SLC49A3: variants seen among roughly 807,000 people sequenced by gnomAD.
SLC49A3 encodes solute carrier family 49 member A3.
Under a neutral mutation model 43.8 loss-of-function variants are expected in SLC49A3, and 50 were observed. The ratio of observed to expected loss-of-function variants is 1.14; its 90% CI spans 0.91 to 1.45. SLC49A3 has a LOEUF of 1.45. SLC49A3 is among the 40% of genes most tolerant of loss of function. SLC49A3 has a pLI of 0.00. For synonymous variants in SLC49A3, 413 were observed against 352.0 expected (o/e 1.17, Z -1.94); for missense variants, 906 against 774.1 (o/e 1.17, Z -2.02).
Position 685,560 on chromosome 4 carries a change from G to C in SLC49A3, c.585+275C>G, listed in dbSNP as rs1740829294. Reference sequence around the variant, plus strand: ...CAAAAATACAAAAAAAAAAAAATTAGCCAAGCATGGTGGCGCACGCCTGTA... The same window carrying C: ...CAAAAATACAAAAAAAAAAAAATTACCCAAGCATGGTGGCGCACGCCTGTA... On this transcript the variant is annotated intron_variant, in intron 4 of 9. Coordinates refer to ENST00000322224, the MANE Select transcript of SLC49A3 (RefSeq NM_032219.4). This position sits in a 1 kb window ranked among gnomAD's most constrained non-coding sequence, Gnocchi z 4.3. Among the ~76,000 whole-genome samples, 1 of 152,008 alleles carries C rather than the reference G, an allele frequency of 6.6e-6. No individual in the cohort carries two copies. The highest frequency in any genetic ancestry group is 1.5e-5 in the Non-Finnish European group (1 of 68,012).
rs773834755 is a variant in SLC49A3 at position 682,081 on chromosome 4, T to G, written c.1557A>C (p.Gln519His). ...AGGGCGCGTCGGTGGCTGCTGGGCCTTGCGCACGGGGAGTCGCTCGGTGGC... is the reference window on the plus strand; with the variant it reads ...AGGGCGCGTCGGTGGCTGCTGGGCCGTGCGCACGGGGAGTCGCTCGGTGGC... ...PACHRATPRA[Q>H]GPAATDAPSR... The change falls in exon 10 of 10, where the codon CAA becomes CAC. Residue 519 changes from glutamine to histidine, a missense_variant. Transcript: ENST00000322224. 37 of 1,403,074 alleles carry G rather than the reference T, an allele frequency of 2.6e-5. No individual in the cohort carries two copies. Among genetic ancestry groups the G allele is most frequent in the Non-Finnish European group, 3.4e-5 (36 of 1,067,330 alleles). 86.9% of individuals were successfully genotyped at this position (1,403,074 alleles called of 1,614,324 possible).
chr4:684,354 C>T (rs1159710387), intron 6 of SLC49A3, 129 bp downstream of exon 6: 4 of 1,314,938 alleles, frequency 3.0e-6, no homozygotes, highest in Non-Finnish European at 4.2e-6. Flanking sequence ...GGAGGGCCCA[C>T]AGCACAGAAG....
Position 684,608 on chromosome 4 carries a change from A to G in SLC49A3, c.724-9T>C, listed in dbSNP as rs2109417687. On this transcript the variant is annotated splice_polypyrimidine_tract_variant and intron_variant, in intron 5 of 9. Transcript: ENST00000322224. ...GCCTTGTTCCACATGAGCTGCTGGG[A>G]AAGAGCGTCTCAGCCCCGGAGCCCG... is the stretch of plus-strand genomic sequence containing the variant. The G allele has an allele frequency of 6.2e-7, 1 of 1,612,588 alleles. No individual in the cohort carries two copies. The highest frequency in any genetic ancestry group is 1.1e-5 in the South Asian group (1 of 91,076).
At position 685,170 on chromosome 4, in the gene SLC49A3, GAC is replaced by G; in HGVS notation, c.586-316_586-315del. 2.2e-6 allele frequency: 1 copy of G among 452,784 alleles called. No homozygotes were observed. The highest frequency in any genetic ancestry group is 4.0e-6 in the Non-Finnish European group (1 of 252,440). The allele number at this position is 452,784 out of a possible 1,614,324, so 28.0% of individuals were successfully genotyped here. ...AGCCCATGATAGGGCTCAACACACA[GAC>G]ACAGGTGGGTGCAGAGGCACACGTG... On this transcript the variant is annotated intron_variant, in intron 4 of 9. Coordinates refer to ENST00000322224, the MANE Select transcript of SLC49A3 (RefSeq NM_032219.4). The surrounding 1 kb of genome is among the most constrained non-coding windows in gnomAD (Gnocchi z 4.3).
downstream of SLC49A3, chr4:678,891 C>T (rs924816070): frequency 1.3e-5 from 21 of 1,608,268 alleles, no homozygotes; most frequent in Middle Eastern, 3.3e-4. Flanking sequence ...GCTGAGGAAC[C>T]GGGAGCAGGG....
Position 682,162 on chromosome 4 carries a change from C to T in SLC49A3, c.1476G>A (p.Thr492=), listed in dbSNP as rs773694218. The T allele has an allele frequency of 6.7e-6, 9 of 1,347,558 alleles. No individual in the cohort carries two copies. Among genetic ancestry groups the T allele is most frequent in the Middle Eastern group, 2.8e-4 (1 of 3,576 alleles). The allele number at this position is 1,347,558 out of a possible 1,614,324, so 83.5% of individuals were successfully genotyped here. A position where few individuals can be genotyped will look rare whatever the true frequency, so the allele number is the denominator to read the frequency against. The change falls in exon 10 of 10, where the codon ACG becomes ACA. Residue 492 remains threonine (T), a synonymous_variant. Coordinates refer to ENST00000322224, the MANE Select transcript of SLC49A3 (RefSeq NM_032219.4). ...LGPSTATPEC[T]ARGASLEDPR... is the part of the protein sequence containing the mutation. ...GGTCCTCTAGCGAGGCCCCCCTCGC[C>T]GTGCACTCCGGAGTCGCCGTGCTGG... is the stretch of plus-strand genomic sequence containing the variant.
At chr4:690,215 A>AT (rs34714607), upstream of SLC49A3, among the ~76,000 whole-genome samples, 6,216 of 144,618 alleles carry the variant, frequency 0.043, 137 homozygotes, top group African/African-American at 0.061. Context: ...CCACTTTGGG[A>AT]TTTTTTTTTT....
chr4:689,184 C>T, upstream of SLC49A3: 1 of 1,220,488 alleles, frequency 8.2e-7, no homozygotes, highest in Non-Finnish European at 1.0e-6. Context: ...GCTTAAGGAC[C>T]TTCCCGCGTG....
chr4:682,737 G>A (rs1023279962), intron 9 of SLC49A3, 44 bp downstream of exon 9: 4 of 1,438,296 alleles, frequency 2.8e-6, no homozygotes, highest in East Asian at 2.5e-5. Context: ...TTCACATGGG[G>A]CTCACCTGTC....
At chr4:689,182 A>G, upstream of SLC49A3, 1 of 1,225,716 alleles carries the variant, frequency 8.2e-7, no homozygotes, top group Non-Finnish European at 1.0e-6. Context: ...GGGCTTAAGG[A>G]CCTTCCCGCG....
chr4:691,349 T>C (rs1024884215), upstream of SLC49A3, among the ~76,000 whole-genome samples: 1 of 147,176 alleles, frequency 6.8e-6, no homozygotes, highest in Non-Finnish European at 1.5e-5. Context: ...ATCCCAGCAC[T>C]TTGGGAGGCC....
Position 681,981 on chromosome 4 carries a change from A to C in SLC49A3, c.1657T>G (p.Ser553Ala). ...IDPAGSHSSF[S>A]SPWVIT is the part of the protein sequence containing the mutation. ...AGCTACGTGATCACCCACGGGGAGG[A>C]GAAGGAGGAGTGAGACCCAGCCGGG... Residue 553 changes from serine to alanine, a missense_variant, in exon 10 of 10, where the codon TCC (serine) becomes GCC (alanine). By Grantham distance (99) the Ser-to-Ala change is moderately conservative (BLOSUM62 1). Coordinates refer to ENST00000322224, the MANE Select transcript of SLC49A3 (RefSeq NM_032219.4). 7.1e-7 allele frequency: 1 copy of C among 1,401,754 alleles called. No homozygotes were observed. The highest frequency in any genetic ancestry group is 9.4e-7 in the Non-Finnish European group (1 of 1,064,348). 86.8% of individuals were successfully genotyped at this position (1,401,754 alleles called of 1,614,324 possible).
downstream of SLC49A3, chr4:678,754 G>C (rs771869999): frequency 6.8e-6 from 11 of 1,610,378 alleles, no homozygotes; most frequent in Non-Finnish European, 9.3e-6. Context: ...TCAGATCCAG[G>C]AGTTCAAGGA....
intron 1 of SLC49A3, among the ~76,000 whole-genome samples, chr4:686,917 G>A (rs1364965605): frequency 2.6e-5 from 4 of 152,212 alleles, no homozygotes; most frequent in African/African-American, 9.6e-5. Context: ...GGACCAGCCT[G>A]GGGGGCAGAC....
At chr4:690,345 C>T (rs1158013506), upstream of SLC49A3, among the ~76,000 whole-genome samples, 5 of 152,094 alleles carry the variant, frequency 3.3e-5, no homozygotes, top group Non-Finnish European at 7.4e-5. Context: ...GTGGTCCTCA[C>T]TCTCTTTATC....
upstream of SLC49A3, among the ~76,000 whole-genome samples, chr4:690,433 TCTC>T (rs974166816): frequency 6.6e-6 from 1 of 151,910 alleles, no homozygotes; most frequent in African/African-American, 2.4e-5. Context: ...CTGTTCTCCT[TCTC>T]CTCACCTCTT....
At chr4:682,481 T>G (rs995460194) in intron 9 of SLC49A3, 105 bp from the exon 10 acceptor site, 9 of 1,186,398 alleles carry the variant, frequency 7.6e-6, no homozygotes, top group Middle Eastern at 2.5e-4. Context: ...GACCACAGAG[T>G]GACCCCAGAC....
intron 2 of SLC49A3, 58 bp from the exon 3 acceptor site, chr4:686,360 C>T (rs538643013): frequency 1.2e-4 from 185 of 1,582,186 alleles, no homozygotes; most frequent in Admixed American, 8.0e-4. Flanking sequence ...CAAGTGCCTG[C>T]CCCGTCCCCC....
downstream of SLC49A3, among the ~76,000 whole-genome samples, chr4:681,620 GCCCCGC>G (rs1560157449): frequency 0.021 from 612 of 29,138 alleles, 80 homozygotes; most frequent in African/African-American, 0.037. Flanking sequence ...CTCCAGCGCC[GCCCCGC>G]CCCCTCCAGC....
Sources: allele counts gnomAD v4.1 joint callset (sites outside exome capture counted in the v4.1 genomes callset), GRCh38; gene constraint gnomAD v4.1.1; non-coding constraint Gnocchi (gnomAD v3.1); transcripts MANE v1.5; gene names NCBI Gene and HGNC (gene_info 2026-07-23, HGNC 2026-07-21).